SMG6: variants seen among roughly 807,000 people sequenced by gnomAD.
SMG6 encodes SMG6 nonsense mediated mRNA decay factor, also known as telomerase-binding protein EST1A.
A neutral mutation model predicts 142.2 loss-of-function variants in SMG6; 66 were observed. The ratio of observed to expected loss-of-function variants is 0.46; its 90% CI spans 0.38 to 0.57. SMG6 has a LOEUF of 0.57. SMG6 is among the 20% of genes least tolerant of loss of function. The pLI is 0.00. For missense variants in SMG6, 1,793 were observed against 1,832.0 expected, an observed-to-expected ratio of 0.98 and a Z score of 0.39; for synonymous variants, 779 against 702.4, an observed-to-expected ratio of 1.11 and a Z score of -1.72.
intron 8 of SMG6, among the ~76,000 whole-genome samples, chr17:2,280,958 G>C (rs1323383516): frequency 1.3e-5 from 2 of 152,148 alleles, no homozygotes; most frequent in African/African-American, 2.4e-5. Context: ...TGTAGTCCTA[G>C]CAACTCAGGA....
chr17:2,278,328 G>A (rs1222918418), intron 8 of SMG6, among the ~76,000 whole-genome samples: 2 of 151,552 alleles, frequency 1.3e-5, no homozygotes, highest in African/African-American at 2.4e-5. Flanking sequence ...TCAGCCTCCC[G>A]AGTAGCTGGG....
intron 11 of SMG6, among the ~76,000 whole-genome samples, chr17:2,187,765 C>T (rs546271761): frequency 6.6e-5 from 10 of 151,604 alleles, no homozygotes; most frequent in East Asian, 1.9e-4. Context: ...AGGCAGCCTC[C>T]GAAGCTGGAG....
chr17:2,135,611 G>A (rs1176974476), intron 13 of SMG6, among the ~76,000 whole-genome samples: 1 of 152,204 alleles, frequency 6.6e-6, no homozygotes, highest in East Asian at 1.9e-4. Context: ...TTAGTCTCAT[G>A]TGGTTACTGA....
At chr17:2,215,293 A>G (rs2072982939) in intron 10 of SMG6, among the ~76,000 whole-genome samples, 2 of 152,228 alleles carry the variant, frequency 1.3e-5, no homozygotes, top group South Asian at 2.1e-4. Flanking sequence ...AGTTTCTACA[A>G]TGCTGCACTA....
intron 1 of SMG6, 64 bp from the exon 2 acceptor site, chr17:2,300,728 G>C (rs775272321): frequency 2.7e-5 from 38 of 1,407,720 alleles, no homozygotes; most frequent in Non-Finnish European, 3.3e-5. Flanking sequence ...AAGGAAGATA[G>C]GGGAAAGACT....
At chr17:2,242,762 T>C (rs2151298895) in intron 9 of SMG6, among the ~76,000 whole-genome samples, 1 of 149,680 alleles carries the variant, frequency 6.7e-6, no homozygotes, top group East Asian at 2.0e-4. Context: ...ACTTTAAGTG[T>C]AGCACAATGG....
At chr17:2,125,705 C>G (rs1363724280) in intron 13 of SMG6, among the ~76,000 whole-genome samples, 1 of 152,194 alleles carries the variant, frequency 6.6e-6, no homozygotes, top group Non-Finnish European at 1.5e-5. Context: ...GTAGTCCCAG[C>G]ACTCTGGGAG....
chr17:2,283,693 C>A lies in SMG6; in HGVS notation c.2380G>T (p.Ala794Ser), dbSNP rs759838673. Residue 794 changes from alanine (A) to serine (S), a missense_variant, in exon 7 of 19, where the codon GCT (alanine) becomes TCT (serine). This residue lies in a region of SMG6 where 1,597 missense variants were observed against 1,584.6 expected (regional missense o/e 1.01). Coordinates refer to ENST00000263073, the MANE Select transcript of SMG6 (RefSeq NM_017575.5). ...GCAGTCAGGATAGGGTTGCTGGCAG[C>A]TAAACTGCGCATATAGTAATAGACA... is the stretch of plus-strand genomic sequence containing the variant. ...DAVYYYMRSLAASNPILTAKE... is the reference protein window; with the variant it reads ...DAVYYYMRSLSASNPILTAKE... 1.9e-6 allele frequency: 3 copies of A among 1,614,010 alleles called. No homozygotes were observed. Among genetic ancestry groups the A allele is most frequent in the Non-Finnish European group, 2.5e-6 (3 of 1,180,044 alleles).
intron 13 of SMG6, chr17:2,087,841 A>C (rs932099925): frequency 3.0e-6 from 3 of 985,504 alleles, no homozygotes; most frequent in Non-Finnish European, 3.6e-6. Flanking sequence ...GCATTTCCAC[A>C]AGACTGCCAG....
chr17:2,159,418 A>G (rs188359183), intron 13 of SMG6, among the ~76,000 whole-genome samples: 109 of 152,214 alleles, frequency 7.2e-4, no homozygotes, highest in African/African-American at 2.5e-3. Context: ...TGACAGCGAG[A>G]CTCTGTCTCA....
chr17:2,221,296 T>G (rs2073162793), intron 10 of SMG6, among the ~76,000 whole-genome samples: 1 of 152,170 alleles, frequency 6.6e-6, no homozygotes, highest in Non-Finnish European at 1.5e-5. Context: ...TGCTATCTCC[T>G]GATGGAGCTC....
intron 13 of SMG6, among the ~76,000 whole-genome samples, chr17:2,095,800 T>C (rs1196042280): frequency 6.6e-6 from 1 of 152,124 alleles, no homozygotes; most frequent in Non-Finnish European, 1.5e-5. Flanking sequence ...GGCTTAGCCT[T>C]GCTATCAAAT....
At chr17:2,218,893 T>C (rs766216100) in intron 10 of SMG6, among the ~76,000 whole-genome samples, 2 of 152,170 alleles carry the variant, frequency 1.3e-5, no homozygotes, top group African/African-American at 2.4e-5. Flanking sequence ...GTGTGGGATA[T>C]TGATAGCGGA....
rs1567690504 is a variant in SMG6, at chr17:2,216,700, T to C, written c.2869+19792A>G. Among the ~76,000 whole-genome samples the C allele has an allele frequency of 2.0e-5, 3 of 152,134 alleles. No individual in the cohort carries two copies. In the East Asian group the frequency reaches 5.8e-4, roughly 29 times the overall value. ...TGAGAATAAGCATCTAATTTTGGAG[T>C]TAGCCTTGAACATTGTTAGGAATTT... On this transcript the variant is annotated intron_variant, in intron 10 of 18. Transcript: ENST00000263073.
At chr17:2,081,423 C>T (rs769195104) in intron 15 of SMG6, among the ~76,000 whole-genome samples, 7 of 152,126 alleles carry the variant, frequency 4.6e-5, no homozygotes, top group Non-Finnish European at 1.0e-4. Flanking sequence ...CCATCCTCTC[C>T]CTGGGAACAG....
At chr17:2,174,649 T>C (rs1340029048) in intron 12 of SMG6, among the ~76,000 whole-genome samples, 3 of 152,096 alleles carry the variant, frequency 2.0e-5, no homozygotes, top group African/African-American at 2.4e-5. Context: ...AAAAAGAACA[T>C]GTTTGGGAAG....
chr17:2,149,323 C>G (rs1021772539), intron 13 of SMG6, among the ~76,000 whole-genome samples: 4 of 127,332 alleles, frequency 3.1e-5, no homozygotes, highest in Admixed American at 9.6e-5. Flanking sequence ...ACACTCTACC[C>G]TGGGTGACAG....
intron 8 of SMG6, among the ~76,000 whole-genome samples, chr17:2,253,130 T>TATTTATTTA (rs1237638284): frequency 6.8e-6 from 1 of 147,832 alleles, no homozygotes; most frequent in Non-Finnish European, 1.5e-5. Context: ...TTTATTTATT[T>TATTTATTTA]ATTTATTTAT....
At chr17:2,195,197 TC>T (rs879920451) in intron 10 of SMG6, among the ~76,000 whole-genome samples, 11 of 152,080 alleles carry the variant, frequency 7.2e-5, no homozygotes, top group Non-Finnish European at 1.2e-4. Flanking sequence ...AATTAAGGAA[TC>T]CCTCATGACA....
Sources: allele counts gnomAD v4.1 joint callset (sites outside exome capture counted in the v4.1 genomes callset), GRCh38; gene constraint gnomAD v4.1.1; regional missense constraint gnomAD v4.1.1; transcripts MANE v1.5; gene names NCBI Gene and HGNC (gene_info 2026-07-23, HGNC 2026-07-21).